LRRC38: variants seen among roughly 807,000 people sequenced by gnomAD.
LRRC38 encodes the protein leucine rich repeat containing 38.
A neutral mutation model predicts 16.4 loss-of-function variants in LRRC38; 5 were observed. That is an observed-to-expected ratio of 0.31 (90% CI 0.16 to 0.64). LRRC38 has a LOEUF of 0.64. Ranked by LOEUF, LRRC38 falls within the 30% of genes least tolerant of loss-of-function variation. The pLI, the probability that LRRC38 is intolerant of heterozygous loss-of-function variation, is 0.80. For synonymous variants in LRRC38, 191 were observed against 190.2 expected (o/e 1.00, Z -0.04); for missense variants, 341 against 401.8 (o/e 0.85, Z 1.29).
At chr1:13,503,395 A>T (rs1460417296) in intron 1 of LRRC38, among the ~76,000 whole-genome samples, 2 of 152,048 alleles carry the variant, frequency 1.3e-5, no homozygotes, top group African/African-American at 2.4e-5. Context: ...CAGCCTCCCG[A>T]GTAGCTGGGA....
intron 1 of LRRC38, among the ~76,000 whole-genome samples, chr1:13,484,710 G>A (rs1638910423): frequency 3.9e-5 from 6 of 152,248 alleles, no homozygotes; most frequent in Admixed American, 3.9e-4. Context: ...TTTGGAAACA[G>A]ACAGAGTGGA....
At chr1:13,500,410 C>T (rs188867989) in intron 1 of LRRC38, among the ~76,000 whole-genome samples, 1 of 152,334 alleles carries the variant, frequency 6.6e-6, no homozygotes, top group East Asian at 1.9e-4. Flanking sequence ...CATCTGAATG[C>T]TTCCTTTGCC....
intron 1 of LRRC38, 32 bp downstream of exon 1, chr1:13,512,931 C>CA: frequency 5.0e-6 from 7 of 1,404,082 alleles, no homozygotes; most frequent in African/African-American, 1.4e-5. Flanking sequence ...GCCCCCCTCC[C>CA]TCCCTCCCCC....
chr1:13,483,454 A>C (rs1260931904), intron 1 of LRRC38, among the ~76,000 whole-genome samples: 1 of 152,186 alleles, frequency 6.6e-6, no homozygotes, highest in Non-Finnish European at 1.5e-5. Flanking sequence ...CAGCCCAGGC[A>C]GAGTGTCTTC....
intron 1 of LRRC38, among the ~76,000 whole-genome samples, chr1:13,506,288 C>G (rs1159548076): frequency 1.3e-5 from 2 of 152,038 alleles, no homozygotes; most frequent in African/African-American, 4.8e-5. Flanking sequence ...CATGGACCTG[C>G]GGCATCACAG....
At chr1:13,486,560 C>T (rs961454947) in intron 1 of LRRC38, among the ~76,000 whole-genome samples, 3 of 151,206 alleles carry the variant, frequency 2.0e-5, no homozygotes, top group African/African-American at 7.3e-5. Context: ...GCAATCATCT[C>T]TCACCCATTA....
At chr1:13,486,421 A>T (rs1638934845) in intron 1 of LRRC38, among the ~76,000 whole-genome samples, 1 of 152,048 alleles carries the variant, frequency 6.6e-6, no homozygotes, top group Non-Finnish European at 1.5e-5. Context: ...AAGGCTTAGG[A>T]CCTGGACACG....
At chr1:13,490,715 G>A (rs1639001092) in intron 1 of LRRC38, among the ~76,000 whole-genome samples, 1 of 152,196 alleles carries the variant, frequency 6.6e-6, no homozygotes, top group Non-Finnish European at 1.5e-5. Flanking sequence ...TGGTTAGGCA[G>A]TGTGAGGAAA....
At chr1:13,478,373 C>G (rs985062851) in intron 1 of LRRC38, among the ~76,000 whole-genome samples, 4 of 152,210 alleles carry the variant, frequency 2.6e-5, no homozygotes, top group African/African-American at 9.7e-5. Flanking sequence ...AAACTGAGAG[C>G]ATGTGCATAG....
intron 1 of LRRC38, among the ~76,000 whole-genome samples, chr1:13,492,205 C>T (rs1446824171): frequency 6.6e-6 from 1 of 152,194 alleles, no homozygotes; most frequent in African/African-American, 2.4e-5. Context: ...CAAGTGAAAT[C>T]ATACAATATT....
chr1:13,479,228 C>T (rs1638823403), intron 1 of LRRC38, among the ~76,000 whole-genome samples: 1 of 152,046 alleles, frequency 6.6e-6, no homozygotes. Context: ...TGCCTCCTAA[C>T]AGCCTACCCC....
chr1:13,500,236 C>G (rs1569932057), intron 1 of LRRC38, among the ~76,000 whole-genome samples: 1 of 124,428 alleles, frequency 8.0e-6, no homozygotes, highest in East Asian at 2.3e-4. Flanking sequence ...GCCCGGGCGA[C>G]AGAGTGAGAC....
intron 1 of LRRC38, among the ~76,000 whole-genome samples, chr1:13,507,751 G>A (rs1018521153): frequency 2.6e-5 from 4 of 152,118 alleles, no homozygotes; most frequent in Admixed American, 2.6e-4. Flanking sequence ...AGAATCACTT[G>A]AACCTGGGAG....
At chr1:13,507,149 C>G (rs914848271) in intron 1 of LRRC38, among the ~76,000 whole-genome samples, 23 of 152,146 alleles carry the variant, frequency 1.5e-4, no homozygotes, top group African/African-American at 4.6e-4. Context: ...CAAGGCAGAC[C>G]CCTCGGTGAG....
Position 13,490,434 on chromosome 1 carries a change from C to T in LRRC38, c.632-14335G>A, listed in dbSNP as rs142656837. Among the ~76,000 whole-genome samples the T allele has an allele frequency of 3.9e-3, 589 of 152,304 alleles. 3 individuals carry two copies. The highest frequency in any genetic ancestry group is 0.01 in the Middle Eastern group (3 of 294). On this transcript the variant is annotated intron_variant, in intron 1 of 1. Transcript: ENST00000376085. ...TCAGCCTCCCAAAGTGCTGGGATTACAGGCGTGAGCCACTGCGCCCAGCCT... is the reference window on the plus strand; with the variant it reads ...TCAGCCTCCCAAAGTGCTGGGATTATAGGCGTGAGCCACTGCGCCCAGCCT...
At chr1:13,480,063 G>C (rs574676822) in intron 1 of LRRC38, among the ~76,000 whole-genome samples, 1 of 152,364 alleles carries the variant, frequency 6.6e-6, no homozygotes, top group East Asian at 1.9e-4. Flanking sequence ...ACTGTCTCCA[G>C]TCCGGGAGTG....
At chr1:13,493,262 G>A (rs538358777) in intron 1 of LRRC38, among the ~76,000 whole-genome samples, 2 of 152,158 alleles carry the variant, frequency 1.3e-5, no homozygotes, top group South Asian at 4.1e-4. Flanking sequence ...CTTCAGCGGG[G>A]CTCGGTGCTG....
rs3795749 is a variant in LRRC38, at chr1:13,475,551, T to C, written c.*295A>G. 28,247 of 338,028 alleles carry C rather than the reference T, an allele frequency of 0.084. 1,378 individuals carry two copies. The highest frequency in any genetic ancestry group is 0.12 in the East Asian group (2,396 of 19,906). The allele number at this position is 338,028 out of a possible 1,614,324, so 20.9% of individuals were successfully genotyped here. ...ATTTCCTGGGGGAGGCTTTTAGTCA[T>C]CAGCTATGAAGCCTGACTCGGTCAT... On this transcript the variant is annotated 3_prime_UTR_variant, in exon 2 of 2. Coordinates refer to ENST00000376085, the MANE Select transcript of LRRC38 (RefSeq NM_001010847.2). The surrounding 1 kb of genome is among the most constrained non-coding windows in gnomAD (Gnocchi z 4.3).
At chr1:13,502,799 G>A (rs1206460032) in intron 1 of LRRC38, among the ~76,000 whole-genome samples, 1 of 152,174 alleles carries the variant, frequency 6.6e-6, no homozygotes, top group Non-Finnish European at 1.5e-5. Flanking sequence ...AAGTGAAGGA[G>A]GTCCTGACCT....
Sources: gnomAD v4.1 joint callset for allele counts (sites outside exome capture counted in the v4.1 genomes callset) on GRCh38, gnomAD v4.1.1 for gene constraint, Gnocchi (gnomAD v3.1) non-coding constraint, MANE v1.5 for transcripts, NCBI Gene and HGNC (gene_info 2026-07-23, HGNC 2026-07-21) for gene names.